The following DRC9 variants were observed in gnomAD, a reference collection of about 807,000 sequenced individuals.
The protein encoded by DRC9 is dynein regulatory complex subunit 9.
the DRC9 span, among the ~76,000 whole-genome samples, chr3:197,893,433 G>C: frequency 1.3e-5 from 2 of 151,068 alleles, no homozygotes; most frequent in African/African-American, 4.9e-5. Flanking sequence ...GCAATGAAGA[G>C]GAAACAAAAG....
At chr3:197,920,941 GCAT>G in the DRC9 span, among the ~76,000 whole-genome samples, 4 of 152,184 alleles carry the variant, frequency 2.6e-5, no homozygotes, top group South Asian at 2.1e-4. Context: ...ATTCTTGTTG[GCAT>G]CATTTTCTGA....
At chr3:197,907,017 C>T in the DRC9 span, among the ~76,000 whole-genome samples, 1 of 152,182 alleles carries the variant, frequency 6.6e-6, no homozygotes, top group Non-Finnish European at 1.5e-5. Context: ...TGCCGCCCTT[C>T]GTGGTAAATG....
chr3:197,940,148 C>A, the DRC9 span, among the ~76,000 whole-genome samples: 1 of 151,972 alleles, frequency 6.6e-6, no homozygotes, highest in African/African-American at 2.4e-5. Flanking sequence ...CCCACACCAT[C>A]ATGCCCGGCT....
At chr3:197,919,111 G>T in the DRC9 span, among the ~76,000 whole-genome samples, 167 of 152,254 alleles carry the variant, frequency 1.1e-3, no homozygotes, top group African/African-American at 3.8e-3. Flanking sequence ...CCCGGCCAAT[G>T]TAAGTGTTTA....
At chr3:197,938,684 C>T in the DRC9 span, 1 of 1,614,098 alleles carries the variant, frequency 6.2e-7, no homozygotes, top group Non-Finnish European at 8.5e-7. Flanking sequence ...AAGTTGGGTC[C>T]TTCCTCAGTT....
chr3:197,907,455 T>C, the DRC9 span, among the ~76,000 whole-genome samples: 2 of 152,334 alleles, frequency 1.3e-5, no homozygotes, highest in African/African-American at 4.8e-5. Flanking sequence ...CTCTGGTAAG[T>C]GCATCTATAT....
At chr3:197,950,449 G>C in the DRC9 span, 3 of 605,700 alleles carry the variant, frequency 5.0e-6, no homozygotes, top group Non-Finnish European at 6.8e-6. Context: ...TCCTGGGCCT[G>C]AACGGAGTGA....
At chr3:197,905,003 T>C in the DRC9 span, among the ~76,000 whole-genome samples, 1 of 152,208 alleles carries the variant, frequency 6.6e-6, no homozygotes, top group Non-Finnish European at 1.5e-5. Context: ...AAACTTCACA[T>C]GTTCTTCTTT....
At chr3:197,948,431 C>A in the DRC9 span, among the ~76,000 whole-genome samples, 1 of 152,204 alleles carries the variant, frequency 6.6e-6, no homozygotes, top group African/African-American at 2.4e-5. Context: ...AGTTTCCCCC[C>A]ACTAGACAAC....
chr3:197,901,363 CACG>C, the DRC9 span, among the ~76,000 whole-genome samples: 1 of 152,210 alleles, frequency 6.6e-6, no homozygotes, highest in South Asian at 2.1e-4. The surrounding 1 kb of genome is among the most constrained non-coding windows in gnomAD (Gnocchi z 4.4). Context: ...GTCTCAAACT[CACG>C]ACCCCAGGTG....
chr3:197,948,369 C>CA, the DRC9 span, among the ~76,000 whole-genome samples: 1 of 152,238 alleles, frequency 6.6e-6, no homozygotes, highest in African/African-American at 2.4e-5. Flanking sequence ...TCTGGGCACT[C>CA]ATGCCACTAC....
the DRC9 span, among the ~76,000 whole-genome samples, chr3:197,889,912 A>G: frequency 6.6e-6 from 1 of 152,000 alleles, no homozygotes; most frequent in Admixed American, 6.5e-5. Flanking sequence ...CCATGGACTC[A>G]AGAGTGAAGT....
At chr3:197,960,142 C>A in the DRC9 span, 1 of 1,281,338 alleles carries the variant, frequency 7.8e-7, no homozygotes, top group South Asian at 1.4e-5. Context: ...CGGAAAGCGC[C>A]TTTCCGCCGG....
the DRC9 span, among the ~76,000 whole-genome samples, chr3:197,904,033 TACATAC>T: frequency 1.1e-5 from 1 of 91,400 alleles, no homozygotes; most frequent in Non-Finnish European, 2.0e-5. Context: ...CATATATATA[TACATAC>T]ATATATATAC....
At chr3:197,927,729 A>G in the DRC9 span, among the ~76,000 whole-genome samples, 1 of 152,218 alleles carries the variant, frequency 6.6e-6, no homozygotes, top group East Asian at 1.9e-4. Flanking sequence ...ACATGAGATT[A>G]TAAAAGTGCC....
chr3:197,926,715 T>C, the DRC9 span, among the ~76,000 whole-genome samples: 1 of 152,130 alleles, frequency 6.6e-6, no homozygotes, highest in Non-Finnish European at 1.5e-5. Flanking sequence ...TCACATGGGA[T>C]GGGCCTTTCC....
the DRC9 span, among the ~76,000 whole-genome samples, chr3:197,918,925 C>T: frequency 2.0e-5 from 3 of 152,148 alleles, no homozygotes; most frequent in Admixed American, 6.5e-5. Context: ...TCTCCTGCCT[C>T]GGCCTCCCAA....
chr3:197,907,074 C>T, the DRC9 span, among the ~76,000 whole-genome samples: 17 of 152,266 alleles, frequency 1.1e-4, no homozygotes, highest in Non-Finnish European at 1.5e-4. Flanking sequence ...TATCCGGAGG[C>T]ACTTCAGGAT....
At chr3:197,933,913 C>T in the DRC9 span, among the ~76,000 whole-genome samples, 9 of 147,430 alleles carry the variant, frequency 6.1e-5, no homozygotes, top group East Asian at 3.9e-4. Flanking sequence ...TGGGTTCAAG[C>T]GACTCTCCCG....
Sources: gnomAD v4.1 joint callset for allele counts (sites outside exome capture counted in the v4.1 genomes callset) on GRCh38, gnomAD v4.1.1 for gene constraint, Gnocchi (gnomAD v3.1) non-coding constraint, MANE v1.5 for transcripts, NCBI Gene and HGNC (gene_info 2026-07-23, HGNC 2026-07-21) for gene names.